NRG1: variants seen among roughly 807,000 people sequenced by gnomAD.
The protein encoded by NRG1 is pro-neuregulin-1, membrane-bound isoform.
NRG1 carries 18 observed loss-of-function variants against 63.8 expected under a neutral mutation model. The ratio of observed to expected loss-of-function variants is 0.28; its 90% CI spans 0.19 to 0.42. The LOEUF (loss-of-function observed/expected upper bound fraction) is 0.42, where lower values mean the gene tolerates loss of function less well. NRG1 is among the 10% of genes least tolerant of loss of function. NRG1 has a pLI of 1.00. For missense variants in NRG1, 762 were observed against 814.7 expected (o/e 0.94, Z 0.79); for synonymous variants, 302 against 301.3 (o/e 1.00, Z -0.02).
intron 5 of NRG1, among the ~76,000 whole-genome samples, chr8:32,630,653 G>A (rs889770517): frequency 1.1e-4 from 17 of 151,460 alleles, no homozygotes; most frequent in African/African-American, 3.6e-4. Context: ...GATATGGAAG[G>A]TTATTTGTTT....
intron 1 of NRG1, among the ~76,000 whole-genome samples, chr8:31,900,830 T>C (rs1384064487): frequency 6.6e-6 from 1 of 152,186 alleles, no homozygotes; most frequent in Non-Finnish European, 1.5e-5. Context: ...CTTCACTGCG[T>C]CTTATCTTTC....
intron 1 of NRG1, among the ~76,000 whole-genome samples, chr8:32,571,225 A>T (rs1380356040): frequency 6.6e-6 from 1 of 152,194 alleles, no homozygotes; most frequent in Non-Finnish European, 1.5e-5. Flanking sequence ...GTAATAATGG[A>T]TGCCGGGCCC....
chr8:32,496,422 A>C (rs1169312316), intron 1 of NRG1, among the ~76,000 whole-genome samples: 2 of 152,098 alleles, frequency 1.3e-5, no homozygotes, highest in African/African-American at 2.4e-5. Flanking sequence ...ATTTCTAAAA[A>C]ATAATATCTT....
chr8:31,730,637 T>TA (rs1418918841), intron 1 of NRG1, among the ~76,000 whole-genome samples: 6 of 152,200 alleles, frequency 3.9e-5, no homozygotes, highest in Non-Finnish European at 7.4e-5. Context: ...AAAGTCAAAT[T>TA]AAAAAACAAA....
At chr8:31,722,694 T>G (rs1166493679) in intron 1 of NRG1, among the ~76,000 whole-genome samples, 1 of 152,166 alleles carries the variant, frequency 6.6e-6, no homozygotes, top group East Asian at 1.9e-4. Context: ...GACTCTATAT[T>G]CAGACAAATA....
chr8:31,755,520 A>G (rs1816880646), intron 1 of NRG1, among the ~76,000 whole-genome samples: 1 of 152,084 alleles, frequency 6.6e-6, no homozygotes, highest in Non-Finnish European at 1.5e-5. Flanking sequence ...TTTCACTCAC[A>G]TGCCATACTC....
At chr8:32,243,365 C>T (rs1199751440) in intron 1 of NRG1, among the ~76,000 whole-genome samples, 1 of 149,970 alleles carries the variant, frequency 6.7e-6, no homozygotes, top group African/African-American at 2.5e-5. Context: ...AGGAGGCAGA[C>T]GTTGCAGTGA....
chr8:32,759,512 A>G lies in NRG1; in HGVS notation c.1052+76A>G. ...ACATTGCCTTTTGATATCCCTGCCT[A>G]AGAAAGGAGGCAGTGAAATGGATGG... On this transcript the variant is annotated intron_variant, in intron 10 of 11. Coordinates refer to ENST00000356819, the Ensembl canonical transcript of NRG1. 3 of 1,524,046 alleles carry G rather than the reference A, an allele frequency of 2.0e-6. No individual in the cohort carries two copies. The African/African-American group carries it at 4.1e-5, about 21-fold the overall frequency. 94.4% of individuals were successfully genotyped at this position (1,524,046 alleles called of 1,614,324 possible). A position where few individuals can be genotyped will look rare whatever the true frequency, so the allele number is the denominator to read the frequency against.
intron 7 of NRG1, among the ~76,000 whole-genome samples, chr8:32,773,890 C>A (rs1044719866): frequency 6.6e-6 from 1 of 152,144 alleles, no homozygotes; most frequent in Non-Finnish European, 1.5e-5. Flanking sequence ...TTTTCTAGTT[C>A]CCCAATACAC....
At position 31,659,285 on chromosome 8, in the gene NRG1, G is replaced by GA. The variant is rs764357305; in HGVS notation, c.37+19862dup. Among the ~76,000 whole-genome samples the GA allele has an allele frequency of 1.1e-3, 166 of 151,720 alleles. 2 individuals carry two copies. Among genetic ancestry groups the GA allele is most frequent in the Middle Eastern group, 3.4e-3 (1 of 294 alleles). On this transcript the variant is annotated intron_variant, in intron 1 of 10. Coordinates refer to the NRG1 transcript ENST00000519301. ...AAACAAGAGGAGCGAGATGGAGAAA[G>GA]AAAAAAAACAACTTTCCCGGAAAAG...
intron 8 of NRG1, 33 bp downstream of exon 8, chr8:32,754,507 C>T (rs1454826419): frequency 6.3e-7 from 1 of 1,594,866 alleles, no homozygotes; most frequent in Non-Finnish European, 8.6e-7. Flanking sequence ...TTTCTCTCTC[C>T]TTCATGCAGA....
intron 1 of NRG1, among the ~76,000 whole-genome samples, chr8:31,659,573 A>G (rs1430692594): frequency 6.6e-6 from 1 of 152,062 alleles, no homozygotes; most frequent in African/African-American, 2.4e-5. Context: ...GGAGAGGGGA[A>G]TTGAAATGGC....
intron 1 of NRG1, among the ~76,000 whole-genome samples, chr8:31,691,011 A>C (rs1312399581): frequency 1.3e-5 from 2 of 152,144 alleles, no homozygotes; most frequent in Non-Finnish European, 2.9e-5. Flanking sequence ...GAGATTATCA[A>C]ATGAGGCATA....
chr8:31,933,876 T>C (rs1358536987), intron 1 of NRG1, among the ~76,000 whole-genome samples: 1 of 152,170 alleles, frequency 6.6e-6, no homozygotes, highest in Non-Finnish European at 1.5e-5. Context: ...TATTCCTAGA[T>C]TTTATTTTAT....
intron 5 of NRG1, among the ~76,000 whole-genome samples, chr8:32,724,305 C>T (rs1020699727): frequency 1.3e-5 from 2 of 152,168 alleles, no homozygotes; most frequent in African/African-American, 2.4e-5. Context: ...ATCCAGTTCA[C>T]CTCCTTCCTG....
chr8:32,468,713 AAC>A (rs1823381158), intron 1 of NRG1, among the ~76,000 whole-genome samples: 1 of 125,390 alleles, frequency 8.0e-6, no homozygotes, highest in African/African-American at 3.2e-5. Flanking sequence ...TGAGCAATTT[AAC>A]ATTACAGTTT....
chr8:32,422,985 T>C (rs1275541884), intron 1 of NRG1, among the ~76,000 whole-genome samples: 4 of 152,206 alleles, frequency 2.6e-5, no homozygotes, highest in Non-Finnish European at 4.4e-5. Context: ...TGAGATCACC[T>C]GGGAAGCCCT....
chr8:32,669,257 C>T (rs1805011491), intron 5 of NRG1, among the ~76,000 whole-genome samples: 1 of 152,066 alleles, frequency 6.6e-6, no homozygotes, highest in African/African-American at 2.4e-5. Context: ...GCATGTATAC[C>T]TCATGATCAT....
At chr8:31,981,136 G>A (rs1247727046) in intron 1 of NRG1, among the ~76,000 whole-genome samples, 1 of 151,922 alleles carries the variant, frequency 6.6e-6, no homozygotes, top group African/African-American at 2.4e-5. Flanking sequence ...TGGGACTTTG[G>A]CCACATACCA....
Sources: gnomAD v4.1 joint callset for allele counts (sites outside exome capture counted in the v4.1 genomes callset) on GRCh38, gnomAD v4.1.1 for gene constraint, MANE v1.5 for transcripts, NCBI Gene and HGNC (gene_info 2026-07-23, HGNC 2026-07-21) for gene names.